ARSB: variants seen among roughly 807,000 people sequenced by gnomAD.
ARSB encodes the protein N-acetylgalactosamine-4-sulfatase.
In ARSB, 41 loss-of-function variants were observed where a neutral mutation model predicts 50.9. The ratio of observed to expected loss-of-function variants is 0.81; its 90% CI spans 0.63 to 1.04. The LOEUF is 1.04. ARSB is among the 50% of genes least tolerant of loss of function. The pLI is 0.00. For synonymous variants in ARSB, 269 were observed against 284.8 expected, an observed-to-expected ratio of 0.94 and a Z score of 0.56; for missense variants, 672 against 693.3, an observed-to-expected ratio of 0.97 and a Z score of 0.35.
chr5:78,891,664 A>G (rs1748299642), intron 4 of ARSB, among the ~76,000 whole-genome samples: 1 of 152,156 alleles, frequency 6.6e-6, no homozygotes. Flanking sequence ...CCAAGTGACC[A>G]CCAGAGAGAT....
intron 4 of ARSB, among the ~76,000 whole-genome samples, chr5:78,934,662 C>CAAGT (rs1226240158): frequency 4.6e-5 from 7 of 152,076 alleles, no homozygotes; most frequent in Non-Finnish European, 8.8e-5. Flanking sequence ...TGATGGTGGG[C>CAAGT]ACCTGTAATC....
At chr5:78,866,437 A>T (rs1368784652) in intron 5 of ARSB, among the ~76,000 whole-genome samples, 1 of 152,194 alleles carries the variant, frequency 6.6e-6, no homozygotes, top group African/African-American at 2.4e-5. Context: ...ATTCAAGATG[A>T]GATTTGGGTG....
At chr5:78,786,103 T>C (rs1749074079) in intron 6 of ARSB, among the ~76,000 whole-genome samples, 1 of 152,196 alleles carries the variant, frequency 6.6e-6, no homozygotes, top group South Asian at 2.1e-4. Context: ...TTTTAGAACA[T>C]TTTTATCACC....
chr5:78,850,389 T>A (rs1312882151), intron 5 of ARSB, among the ~76,000 whole-genome samples: 1 of 152,148 alleles, frequency 6.6e-6, no homozygotes, highest in Non-Finnish European at 1.5e-5. Context: ...TGAACCAGCC[T>A]TGCATCCCAG....
chr5:78,968,332 T>G (rs1185174094), intron 2 of ARSB, among the ~76,000 whole-genome samples: 1 of 81,584 alleles, frequency 1.2e-5, no homozygotes, highest in Non-Finnish European at 2.3e-5. Flanking sequence ...TTATTATTAT[T>G]ATTATTATTA....
intron 5 of ARSB, among the ~76,000 whole-genome samples, chr5:78,857,332 T>A (rs771757994): frequency 6.6e-5 from 10 of 152,238 alleles, no homozygotes; most frequent in African/African-American, 1.2e-4. Flanking sequence ...CATTATAGAC[T>A]GTATATTAAA....
intron 4 of ARSB, among the ~76,000 whole-genome samples, chr5:78,899,481 A>T (rs955735209): frequency 5.3e-5 from 8 of 152,176 alleles, no homozygotes; most frequent in African/African-American, 1.9e-4. Flanking sequence ...GTAATTTTTT[A>T]CATATTGTAG....
intron 1 of ARSB, among the ~76,000 whole-genome samples, chr5:78,975,562 C>A (rs1004053139): frequency 6.6e-6 from 1 of 152,134 alleles, no homozygotes; most frequent in African/African-American, 2.4e-5. Context: ...GGTGGAGTGG[C>A]CCCCTTGGTA....
At chr5:78,790,215 T>C (rs1481158454) in intron 6 of ARSB, among the ~76,000 whole-genome samples, 1 of 152,112 alleles carries the variant, frequency 6.6e-6, no homozygotes, top group East Asian at 1.9e-4. Context: ...CAGGAGGCCA[T>C]AGTACACAGT....
At chr5:78,798,314 C>G (rs1401344572) in intron 6 of ARSB, among the ~76,000 whole-genome samples, 1 of 150,864 alleles carries the variant, frequency 6.6e-6, no homozygotes, top group Non-Finnish European at 1.5e-5. Context: ...TGGTCTGTCT[C>G]TGTCTAAATA....
intron 6 of ARSB, among the ~76,000 whole-genome samples, chr5:78,836,955 A>C (rs980234908): frequency 6.6e-6 from 1 of 152,080 alleles, no homozygotes; most frequent in Non-Finnish European, 1.5e-5. Context: ...GGTGCCACAC[A>C]CTTTCAAACA....
At chr5:78,984,510 G>A (rs1442428009) in intron 1 of ARSB, among the ~76,000 whole-genome samples, 1 of 152,154 alleles carries the variant, frequency 6.6e-6, no homozygotes. Context: ...GGTTCCCACG[G>A]GCCAGGGTCG....
chr5:78,936,991 T>C (rs1750634902), intron 4 of ARSB, among the ~76,000 whole-genome samples: 2 of 152,212 alleles, frequency 1.3e-5, no homozygotes, highest in South Asian at 4.1e-4. Flanking sequence ...GTCACTGTAG[T>C]TTCCAGGTGA....
At chr5:78,923,667 A>G (rs163216) in intron 4 of ARSB, among the ~76,000 whole-genome samples, 95,684 of 152,060 alleles carry the variant, frequency 0.63, 31,011 homozygotes, top group African/African-American at 0.8. Context: ...CTTAAAACTA[A>G]AATGCTGCCA....
intron 4 of ARSB, among the ~76,000 whole-genome samples, chr5:78,906,208 C>T (rs951552309): frequency 6.6e-6 from 1 of 151,966 alleles, no homozygotes; most frequent in Non-Finnish European, 1.5e-5. Context: ...TGGTGCATGA[C>T]TGCAGTCCCA....
chr5:78,835,231 G>A (rs1403593667), intron 6 of ARSB, among the ~76,000 whole-genome samples: 1 of 152,116 alleles, frequency 6.6e-6, no homozygotes, highest in Non-Finnish European at 1.5e-5. Flanking sequence ...CCATGTGCAT[G>A]TGACCATGAA....
rs1260999192 is a variant in ARSB at position 78,969,014 on chromosome 5, G to T, written c.491C>A (p.Thr164Asn). 1 of 1,614,148 alleles carries T rather than the reference G, an allele frequency of 6.2e-7. No individual in the cohort carries two copies. Among genetic ancestry groups the T allele is most frequent in the Non-Finnish European group, 8.5e-7 (1 of 1,180,022 alleles). ...ECLPTRRGFD[T>N]YFGYLLGSED... ...ATGTGCATTTCCATTACCAAAGTAG[G>T]TATCAAATCCTCGGCGGGTTGGAAG... The change falls in exon 2 of 8, where the codon ACC becomes AAC. Residue 164 changes from threonine (T) to asparagine (N), a missense_variant. Coordinates refer to ENST00000264914, the MANE Select transcript of ARSB (RefSeq NM_000046.5).
At chr5:78,890,646 C>T (rs115815217) in intron 4 of ARSB, among the ~76,000 whole-genome samples, 2,471 of 152,182 alleles carry the variant, frequency 0.016, 40 homozygotes, top group South Asian at 0.051. Flanking sequence ...GTTTAAAGAC[C>T]TGATTGCTTT....
intron 4 of ARSB, among the ~76,000 whole-genome samples, chr5:78,899,691 T>C (rs956998771): frequency 6.6e-5 from 10 of 152,320 alleles, no homozygotes; most frequent in African/African-American, 2.4e-4. Flanking sequence ...TATTTCAATC[T>C]CTTTGTTAGA....
Sources: allele counts gnomAD v4.1 joint callset (sites outside exome capture counted in the v4.1 genomes callset), GRCh38; gene constraint gnomAD v4.1.1; transcripts MANE v1.5; gene names NCBI Gene and HGNC (gene_info 2026-07-23, HGNC 2026-07-21).